FAAH2: variants seen among roughly 807,000 people sequenced by gnomAD.
FAAH2 encodes fatty acid amide hydrolase 2.
In FAAH2, 60 loss-of-function variants were observed where a neutral mutation model predicts 36.9. The ratio of observed to expected loss-of-function variants is 1.63; its 90% CI spans 1.32 to 2.02. The LOEUF is 2.02. Among genes scored for constraint, FAAH2 ranks in the 30% most tolerant of loss-of-function variants. The pLI, the probability that FAAH2 is intolerant of heterozygous loss-of-function variation, is 0.00. For synonymous variants in FAAH2, 214 were observed against 143.8 expected, an observed-to-expected ratio of 1.49 and a Z score of -3.49; for missense variants, 689 against 397.5, an observed-to-expected ratio of 1.73 and a Z score of -6.23.
the FAAH2 span, among the ~76,000 whole-genome samples, chrX:57,124,381 G>C: frequency 1.8e-5 from 2 of 111,759 alleles, no homozygotes; most frequent in African/African-American, 6.5e-5. Flanking sequence ...TTTGGTACCA[G>C]TACCATGCTG....
At chrX:57,412,660 T>C (rs972043994) in intron 7 of FAAH2, among the ~76,000 whole-genome samples, 12 of 112,219 alleles carry the variant, frequency 1.1e-4, no homozygotes, top group Admixed American at 1.0e-3. Context: ...TCTTTGCTAC[T>C]GTGAACAGTG....
intron 7 of FAAH2, chrX:57,394,887 T>A: frequency 1.1e-6 from 1 of 895,478 alleles, no homozygotes; most frequent in Non-Finnish European, 1.6e-6. Context: ...ATCAGGGCCC[T>A]GACTATTTTA....
rs779195955 is a variant in FAAH2, at chrX:57,320,571, G to A, written c.412+9842G>A. On this transcript the variant is annotated intron_variant, in intron 3 of 10. Coordinates refer to ENST00000374900, the MANE Select transcript of FAAH2 (RefSeq NM_174912.4). ...TAAAAATGCTTTTACATTGTTGGTG[G>A]GAGTGTAAATTAGTTCAATCATTGT... is the stretch of plus-strand genomic sequence containing the variant. Among the ~76,000 whole-genome samples the A allele has an allele frequency of 5.3e-5, 6 of 112,308 alleles. No homozygotes were observed. The South Asian group carries it at 2.2e-3, about 41-fold the overall frequency.
intron 5 of FAAH2, among the ~76,000 whole-genome samples, chrX:57,351,704 T>C (rs1362343876): frequency 9.2e-6 from 1 of 108,914 alleles, no homozygotes; most frequent in African/African-American, 3.3e-5. Flanking sequence ...ACTGTATGCT[T>C]AGAATCTAGA....
intron 7 of FAAH2, among the ~76,000 whole-genome samples, chrX:57,387,306 C>A (rs1178733876): frequency 9.0e-6 from 1 of 110,968 alleles, no homozygotes; most frequent in Non-Finnish European, 1.9e-5. Context: ...TGAAAAAAGA[C>A]AAATCAATAA....
At chrX:57,234,292 T>C in the FAAH2 span, among the ~76,000 whole-genome samples, 1 of 111,625 alleles carries the variant, frequency 9.0e-6, no homozygotes, top group African/African-American at 3.3e-5. Context: ...TCCATTGCTG[T>C]TCCTACTTTA....
At chrX:57,292,365 G>A (rs1469915675) in intron 1 of FAAH2, 133 bp from the exon 2 acceptor site, 17 of 469,468 alleles carry the variant, frequency 3.6e-5, no homozygotes, top group Non-Finnish European at 5.4e-5. Flanking sequence ...TGCCTCATGG[G>A]GGACTACACT....
intron 5 of FAAH2, among the ~76,000 whole-genome samples, chrX:57,367,094 C>A (rs1433075276): frequency 8.9e-6 from 1 of 112,392 alleles, no homozygotes; most frequent in Non-Finnish European, 1.9e-5. Flanking sequence ...ATTGTATAAA[C>A]TCATACGAAA....
the FAAH2 span, chrX:57,135,421 T>C: frequency 5.5e-6 from 1 of 181,949 alleles, no homozygotes; most frequent in Non-Finnish European, 1.0e-5. Context: ...TTCCACCTCT[T>C]CCTAAGCAGT....
chrX:57,334,268 T>TCTCACACACA (rs753282666), intron 4 of FAAH2, among the ~76,000 whole-genome samples: 6 of 85,726 alleles, frequency 7.0e-5, no homozygotes, highest in South Asian at 1.4e-3. Flanking sequence ...AGATTCCGTC[T>TCTCACACACA]CACACACACA....
At chrX:57,126,336 C>T in the FAAH2 span, among the ~76,000 whole-genome samples, 1 of 112,188 alleles carries the variant, frequency 8.9e-6, no homozygotes, top group African/African-American at 3.2e-5. Flanking sequence ...AGCATCTTAT[C>T]ACCATTCTTC....
chrX:57,325,375 C>G (rs1234200797), intron 3 of FAAH2, among the ~76,000 whole-genome samples: 7 of 111,232 alleles, frequency 6.3e-5, no homozygotes, highest in African/African-American at 2.3e-4. Flanking sequence ...GGGAGGATTC[C>G]CTATTTTTCT....
chrX:57,364,009 GTTTTTTTTTTT>G (rs59787885), intron 5 of FAAH2, among the ~76,000 whole-genome samples: 2 of 46,542 alleles, frequency 4.3e-5, no homozygotes, highest in African/African-American at 1.7e-4. Context: ...GGCCTGTAGG[GTTTTTTTTTTT>G]TTTTTTTTTT....
chrX:57,371,722 A>G lies in FAAH2; in HGVS notation c.743-6929A>G, dbSNP rs1325486170. ...TAAAAAGGTATATTACATGATGCTG[A>G]GGTTTGAGGTATGATTGAACCTGTT... On this transcript the variant is annotated intron_variant, in intron 5 of 10. Transcript: ENST00000374900. Among the ~76,000 whole-genome samples the G allele has an allele frequency of 1.2e-4, 13 of 110,087 alleles. No homozygotes were observed. The East Asian group carries it at 3.8e-3, about 32-fold the overall frequency.
intron 7 of FAAH2, chrX:57,394,073 G>A (rs780458653): frequency 5.8e-5 from 42 of 724,089 alleles, no homozygotes; most frequent in Middle Eastern, 5.8e-4. Context: ...ATCAATAGCC[G>A]CAGCAACAAG....
the FAAH2 span, among the ~76,000 whole-genome samples, chrX:57,243,179 AC>A: frequency 1.2e-4 from 13 of 112,148 alleles, no homozygotes; most frequent in African/African-American, 3.2e-4. Flanking sequence ...TGGCAAAGCC[AC>A]TGTAGCCAGA....
At chrX:57,196,122 T>C in the FAAH2 span, among the ~76,000 whole-genome samples, 1 of 112,008 alleles carries the variant, frequency 8.9e-6, no homozygotes, top group Non-Finnish European at 1.9e-5. Context: ...CATAGTTTTT[T>C]CTAGTTCTGT....
the FAAH2 span, among the ~76,000 whole-genome samples, chrX:57,220,971 C>A: frequency 1.8e-5 from 2 of 112,117 alleles, no homozygotes; most frequent in East Asian, 2.8e-4. Context: ...CCAAGGGTAA[C>A]CCTGATGGTG....
upstream of FAAH2, among the ~76,000 whole-genome samples, chrX:57,285,232 C>T (rs1233439860): frequency 8.9e-6 from 1 of 111,861 alleles, no homozygotes; most frequent in Non-Finnish European, 1.9e-5. Context: ...CAGTATCAAC[C>T]TAAGTTCTGC....
Sources: allele counts gnomAD v4.1 joint callset (sites outside exome capture counted in the v4.1 genomes callset), GRCh38; gene constraint gnomAD v4.1.1; transcripts MANE v1.5; gene names NCBI Gene and HGNC (gene_info 2026-07-23, HGNC 2026-07-21).